PEX1: variants seen among roughly 807,000 people sequenced by gnomAD.
The protein encoded by PEX1 is peroxisomal biogenesis factor 1.
Under a neutral mutation model 152.5 loss-of-function variants are expected in PEX1, and 97 were observed. The observed-to-expected ratio is 0.64, with a 90% CI of 0.54 to 0.75. The LOEUF is 0.75. PEX1 is among the 30% of genes least tolerant of loss of function. PEX1 has a pLI of 0.00. For missense variants in PEX1, 1,357 were observed against 1,516.3 expected, an observed-to-expected ratio of 0.89 and a Z score of 1.74; for synonymous variants, 485 against 531.6, an observed-to-expected ratio of 0.91 and a Z score of 1.21.
Position 92,502,052 on chromosome 7 carries a change from C to G in PEX1, c.2254G>C (p.Val752Leu). ...QEQRCEILCNVIKNKLDCDIN... is the reference protein window; with the variant it reads ...QEQRCEILCNLIKNKLDCDIN... ...TCACAGTCCAATTTATTTTTTATTA[C>G]ATTACACAGAATTTCACATCTTTGT... is the stretch of plus-strand genomic sequence containing the variant. Residue 752 changes from valine to leucine, a missense_variant, in exon 14 of 24, where the codon GTA becomes CTA. Val to Leu is a conservative substitution (Grantham distance 32). Coordinates refer to ENST00000248633, the MANE Select transcript of PEX1 (RefSeq NM_000466.3). The G allele has an allele frequency of 1.2e-6, 2 of 1,610,508 alleles. No homozygotes were observed. The highest frequency in any genetic ancestry group is 2.2e-5 in the South Asian group (2 of 90,768).
In PEX1 at chr7:92,522,234, T is replaced by G. The variant is rs778784905; in HGVS notation, c.141A>C (p.Ile47=). Residue 47 remains isoleucine (I), a synonymous_variant, in exon 2 of 24, where the codon ATA becomes ATC. Transcript: ENST00000248633. Reference sequence around the variant, plus strand: ...CAGGCTGGTGACTCCAGACCACTTCTATAGCTTGATTCTATTCATATAAGA... The same window carrying G: ...CAGGCTGGTGACTCCAGACCACTTCGATAGCTTGATTCTATTCATATAAGA... ...AQLHLLQNQA[I]EVVWSHQPAF... is the part of the protein sequence containing the mutation. 2 of 1,613,938 alleles carry G rather than the reference T, an allele frequency of 1.2e-6. No homozygotes were observed. Among genetic ancestry groups the G allele is most frequent in the African/African-American group, 2.7e-5 (2 of 74,936 alleles).
Position 92,511,049 on chromosome 7 carries a change from T to TTA in PEX1, c.1484-3_1484-2insTA. On this transcript the variant is annotated splice_polypyrimidine_tract_variant and splice_region_variant and intron_variant, in intron 7 of 23. Coordinates refer to ENST00000248633, the MANE Select transcript of PEX1 (RefSeq NM_000466.3). ...TACTCAGAGAAAATTCCTTCAGTCC[T>TTA]ATTAAAAAGAAAGTAATAAATGCAG... is the stretch of plus-strand genomic sequence containing the variant. 7.5e-7 allele frequency: 1 copy of TTA among 1,337,876 alleles called. No homozygotes were observed. 82.9% of individuals were successfully genotyped at this position (1,337,876 alleles called of 1,614,324 possible). A position where few individuals can be genotyped will look rare whatever the true frequency, so the allele number is the denominator to read the frequency against.
At position 92,489,701 on chromosome 7, in the gene PEX1, GA is replaced by G; in HGVS notation, c.3636+12del. On this transcript the variant is annotated intron_variant, in intron 22 of 23. Coordinates refer to ENST00000248633, the MANE Select transcript of PEX1 (RefSeq NM_000466.3). ...AAGTTTTAACAATTATAATGAGGGG[GA>G]AAAAGCCATACTCCACTTTGGCTCC... The G allele has an allele frequency of 1.2e-6, 2 of 1,607,462 alleles. No individual in the cohort carries two copies. The highest frequency in any genetic ancestry group is 1.7e-6 in the Non-Finnish European group (2 of 1,174,030).
At chr7:92,517,000 A>C (rs919400958) in intron 5 of PEX1, among the ~76,000 whole-genome samples, 2 of 152,196 alleles carry the variant, frequency 1.3e-5, no homozygotes, top group Non-Finnish European at 2.9e-5. Context: ...CCTAGTTGTA[A>C]CACTAGCTAT....
chr7:92,491,209 C>A (rs887764812), intron 21 of PEX1, 63 bp downstream of exon 21: 3 of 1,163,944 alleles, frequency 2.6e-6, no homozygotes, highest in Admixed American at 1.7e-5. Flanking sequence ...GAAATCACTG[C>A]AACTTTACAC....
chr7:92,523,436 C>T (rs1793136418), intron 1 of PEX1, among the ~76,000 whole-genome samples: 1 of 151,966 alleles, frequency 6.6e-6, no homozygotes, highest in Admixed American at 6.6e-5. Flanking sequence ...ATCCTCTCAC[C>T]TCAGTCTCCT....
Position 92,507,103 on chromosome 7 carries a change from G to A in PEX1, c.1694C>T (p.Ser565Phe), listed in dbSNP as rs1325969461. 1.2e-6 allele frequency: 2 copies of A among 1,613,690 alleles called. No individual in the cohort carries two copies. The change falls in exon 10 of 24, where the codon TCC (serine) becomes TTC (phenylalanine). Residue 565 changes from serine (S) to phenylalanine (F), a missense_variant. Coordinates refer to ENST00000248633, the MANE Select transcript of PEX1 (RefSeq NM_000466.3). ...GCTGTGAGTGATGTGCTCCAAGGAG[G>A]ATACGCCTAAGGAATTCACTCCTCT... is the stretch of plus-strand genomic sequence containing the variant. ...SLGGVNSLGV[S>F]SLEHITHSLL...
rs774458798 is a variant in PEX1, at chr7:92,487,431, A to G, written c.*26T>C. ...TGGAAAAGCCATCAAAAAACTTAAC[A>G]GAACCAAATCAAAAAGAAGTATATT... On this transcript the variant is annotated 3_prime_UTR_variant, in exon 24 of 24. Coordinates refer to ENST00000248633, the MANE Select transcript of PEX1 (RefSeq NM_000466.3). 11 of 1,299,970 alleles carry G rather than the reference A, an allele frequency of 8.5e-6. No homozygotes were observed. In the East Asian group the frequency reaches 2.6e-4, roughly 30 times the overall value. The allele number at this position is 1,299,970 out of a possible 1,614,324, so 80.5% of individuals were successfully genotyped here.
At chr7:92,513,476 T>TA (rs1237197034) in intron 6 of PEX1, among the ~76,000 whole-genome samples, 2 of 152,086 alleles carry the variant, frequency 1.3e-5, no homozygotes, top group African/African-American at 4.8e-5. Context: ...ATACTTCTAC[T>TA]TATATATGAA....
rs58641640 is a variant in PEX1, at chr7:92,516,055, A to AAAAAG, written c.1239+1216_1239+1220dup. 5.1e-3 allele frequency among the ~76,000 whole-genome samples: 433 copies of AAAAAG among 85,722 alleles called. 2 individuals carry two copies. Among genetic ancestry groups the AAAAAG allele is most frequent in the African/African-American group, 9.7e-3 (219 of 22,466 alleles). The allele number at this position is 85,722 out of a possible 152,430, so 56.2% of individuals were successfully genotyped here. A position where few individuals can be genotyped will look rare whatever the true frequency, so the allele number is the denominator to read the frequency against. On this transcript the variant is annotated intron_variant, in intron 5 of 23. Coordinates refer to ENST00000248633, the MANE Select transcript of PEX1 (RefSeq NM_000466.3). ...AGAGAAGAGAAGAGAAGAGAAGAGA[A>AAAAAG]AAAAGAAAAGAAAAGAAAAGAAAAG... is the stretch of plus-strand genomic sequence containing the variant.
chr7:92,520,165 C>T (rs771211900), intron 2 of PEX1, among the ~76,000 whole-genome samples: 1 of 152,038 alleles, frequency 6.6e-6, no homozygotes, highest in Non-Finnish European at 1.5e-5. Flanking sequence ...CTTCAGAGTA[C>T]TAATTAAGAC....
intron 5 of PEX1, 48 bp downstream of exon 5, chr7:92,517,228 T>C (rs375189326): frequency 3.0e-5 from 39 of 1,316,632 alleles, no homozygotes; most frequent in Non-Finnish European, 4.1e-5. Flanking sequence ...AATTTGGGGA[T>C]GTTTAAGCCA....
intron 21 of PEX1, 54 bp downstream of exon 21, chr7:92,491,218 A>C (rs1448225755): frequency 1.2e-5 from 15 of 1,242,376 alleles, no homozygotes; most frequent in Non-Finnish European, 1.2e-6. Context: ...GCAACTTTAC[A>C]CCAACATATA....
rs1792893618 is a variant in PEX1, at chr7:92,518,218, T to C, written c.395A>G (p.Asp132Gly). ...HAVSLEQHLL[D>G]QIRIVFPKAI... is the part of the protein sequence containing the mutation. ...TTTTGGAAAAACTATTCGAATTTGA[T>C]CTAGAAGATGTTGTTCAAGGGAAAC... Residue 132 changes from aspartate (D) to glycine (G), a missense_variant, in exon 4 of 24, where the codon GAT becomes GGT. Transcript: ENST00000248633. 2 of 1,613,464 alleles carry C rather than the reference T, an allele frequency of 1.2e-6. No homozygotes were observed. Among genetic ancestry groups the C allele is most frequent in the Non-Finnish European group, 1.7e-6 (2 of 1,179,422 alleles).
chr7:92,518,344 A>C, intron 3 of PEX1, 89 bp from the exon 4 acceptor site: 2 of 829,840 alleles, frequency 2.4e-6, no homozygotes, highest in Non-Finnish European at 2.1e-6. Context: ...TTTTTTAAAA[A>C]ACAAATTTTA....
intron 20 of PEX1, among the ~76,000 whole-genome samples, chr7:92,492,511 T>C (rs940761038): frequency 2.0e-5 from 3 of 152,112 alleles, no homozygotes; most frequent in African/African-American, 7.2e-5. Context: ...GATTCAAGAA[T>C]GATGAGGACA....
At chr7:92,511,840 G>A (rs1792482873) in intron 6 of PEX1, 137 bp from the exon 7 acceptor site, 2 of 767,576 alleles carry the variant, frequency 2.6e-6, no homozygotes, top group African/African-American at 1.7e-5. Flanking sequence ...ATGTTCTATA[G>A]GCACAGGTCT....
intron 15 of PEX1, among the ~76,000 whole-genome samples, chr7:92,500,482 T>C (rs1227979378): frequency 6.6e-6 from 1 of 152,234 alleles, no homozygotes; most frequent in Non-Finnish European, 1.5e-5. Flanking sequence ...ACGCATATAG[T>C]CTCCATGTAC....
At position 92,489,728 on chromosome 7, in the gene PEX1, G is replaced by A. The variant is rs554803633; in HGVS notation, c.3622C>T (p.Arg1208Trp). The A allele has an allele frequency of 1.6e-5, 26 of 1,613,868 alleles. 1 individual carries two copies. In the South Asian group the frequency reaches 1.6e-4, roughly 10 times the overall value. The change falls in exon 22 of 24, where the codon CGG (arginine) becomes TGG (tryptophan). Residue 1208 changes from arginine (R) to tryptophan (W), a missense_variant. Coordinates refer to ENST00000248633, the MANE Select transcript of PEX1 (RefSeq NM_000466.3). ...ADISIIKGRYRSQSGEDESMN... is the reference protein window; with the variant it reads ...ADISIIKGRYWSQSGEDESMN... ...AAAAGCCATACTCCACTTTGGCTCC[G>A]GTATCTGCCTTTGATAATACTGATA...
Sources: gnomAD v4.1 joint callset for allele counts (sites outside exome capture counted in the v4.1 genomes callset) on GRCh38, gnomAD v4.1.1 for gene constraint, MANE v1.5 for transcripts, NCBI Gene and HGNC (gene_info 2026-07-23, HGNC 2026-07-21) for gene names.